BUD23: variants seen among roughly 807,000 people sequenced by gnomAD.
BUD23 encodes the protein 18S rRNA (guanine-N(7))-methyltransferase.
Under a neutral mutation model 47.0 loss-of-function variants are expected in BUD23, and 34 were observed. That is an observed-to-expected ratio of 0.72 (90% CI 0.55 to 0.96). The LOEUF is 0.96. Ranked by LOEUF, BUD23 falls within the 40% of genes least tolerant of loss-of-function variation. BUD23 has a pLI of 0.00. For synonymous variants in BUD23, 124 were observed against 132.0 expected (o/e 0.94, Z 0.41); for missense variants, 343 against 361.2 (o/e 0.95, Z 0.41).
Position 73,698,011 on chromosome 7 carries a change from C to A in BUD23, c.*125C>A. On this transcript the variant is annotated 3_prime_UTR_variant, in exon 12 of 12. Transcript: ENST00000265758. ...TTTTCTGCAGTAAAAAAAAAGTTCT[C>A]TGGGCCGGGCGTGGTGGCTCACACC... 8.3e-7 allele frequency: 1 copy of A among 1,205,152 alleles called. No homozygotes were observed. The highest frequency in any genetic ancestry group is 1.1e-6 in the Non-Finnish European group (1 of 888,660). The allele number at this position is 1,205,152 out of a possible 1,614,324, so 74.7% of individuals were successfully genotyped here.
intron 2 of BUD23, among the ~76,000 whole-genome samples, chr7:73,684,448 C>T (rs1281861172): frequency 1.3e-5 from 2 of 151,844 alleles, no homozygotes; most frequent in African/African-American, 2.4e-5. Flanking sequence ...CACAGGCGCG[C>T]GCCACTACGC....
intron 6 of BUD23, 152 bp downstream of exon 6, chr7:73,691,164 C>T: frequency 1.5e-6 from 1 of 653,250 alleles, no homozygotes; most frequent in East Asian, 2.7e-5. Context: ...TACTTCTGTC[C>T]AGGTCCTCAG....
chr7:73,685,002 C>T (rs572305714), intron 2 of BUD23, among the ~76,000 whole-genome samples: 3 of 146,988 alleles, frequency 2.0e-5, no homozygotes, highest in Non-Finnish European at 4.5e-5. Context: ...GAGAGACTAG[C>T]CCTATTTCAG....
At chr7:73,686,295 G>C (rs1187329889) in intron 2 of BUD23, among the ~76,000 whole-genome samples, 1 of 152,220 alleles carries the variant, frequency 6.6e-6, no homozygotes, top group African/African-American at 2.4e-5. Flanking sequence ...TTTTCAACAA[G>C]TGCTAGAGCA....
Position 73,694,070 on chromosome 7 carries a change from C to G in BUD23, c.701+20C>G, listed in dbSNP as rs781914150. The G allele has an allele frequency of 1.3e-6, 2 of 1,596,278 alleles. No individual in the cohort carries two copies. The highest frequency in any genetic ancestry group is 1.1e-5 in the South Asian group (1 of 89,124). ...TGAGAGGTAAAGCAACTGCTGAAGC[C>G]TGCCCCGGCTGCAGCGGGGGCTGCC... On this transcript the variant is annotated intron_variant, in intron 10 of 11. Coordinates refer to ENST00000265758, the MANE Select transcript of BUD23 (RefSeq NM_017528.5).
intron 6 of BUD23, among the ~76,000 whole-genome samples, 194 bp downstream of exon 6, chr7:73,691,206 T>A (rs183446847): frequency 1.2e-4 from 19 of 152,322 alleles, no homozygotes; most frequent in African/African-American, 4.6e-4. Context: ...AGTGGACTGA[T>A]ATACTCTAAT....
At chr7:73,692,451 T>C (rs1380248149) in intron 6 of BUD23, 145 bp from the exon 7 acceptor site, 1 of 650,884 alleles carries the variant, frequency 1.5e-6, no homozygotes, top group African/African-American at 1.8e-5. Context: ...GGTGATCTCT[T>C]TTGTTCATAC....
At position 73,690,898 on chromosome 7, in the gene BUD23, A is replaced by G. The variant is rs1554613894; in HGVS notation, c.363-18A>G. ...ACGTGGATTGCTCCGTTGCCTGACTAGGTCCCTTCCTTTTTAGCATTTCTG... is the reference window on the plus strand; with the variant it reads ...ACGTGGATTGCTCCGTTGCCTGACTGGGTCCCTTCCTTTTTAGCATTTCTG... On this transcript the variant is annotated intron_variant, in intron 5 of 11. Transcript: ENST00000265758. 1.9e-6 allele frequency: 3 copies of G among 1,610,614 alleles called. No homozygotes were observed. The highest frequency in any genetic ancestry group is 1.3e-5 in the African/African-American group (1 of 74,976).
chr7:73,690,766 C>A, intron 5 of BUD23, 150 bp from the exon 6 acceptor site: 1 of 634,884 alleles, frequency 1.6e-6, no homozygotes. Context: ...AACCACTGTA[C>A]GTGGCCTCAA....
At chr7:73,683,725 G>A (rs782725768) in intron 1 of BUD23, 42 bp from the exon 2 acceptor site, 10 of 1,614,158 alleles carry the variant, frequency 6.2e-6, no homozygotes, top group South Asian at 1.1e-5. Flanking sequence ...CGGCCACCGC[G>A]TCTGAATTAT....
At chr7:73,686,276 G>T (rs905921101) in intron 2 of BUD23, among the ~76,000 whole-genome samples, 1 of 152,198 alleles carries the variant, frequency 6.6e-6, no homozygotes. Flanking sequence ...ATAATTTTTG[G>T]AGAAAATGTT....
Position 73,690,973 on chromosome 7 carries a change from G to T in BUD23, c.420G>T (p.Lys140Asn). 1 of 1,614,206 alleles carries T rather than the reference G, an allele frequency of 6.2e-7. No homozygotes were observed. The highest frequency in any genetic ancestry group is 1.1e-5 in the South Asian group (1 of 91,086). ...ACAAGAAGTCTGAAAACCCTGCCAA[G>T]CGCCTGTACTGCTTTTTTGCTTCTC... ...NANKKSENPA[K>N]RLYCFFASLF... Residue 140 changes from lysine to asparagine, a missense_variant, in exon 6 of 12, where the codon AAG (lysine) becomes AAT (asparagine). By Grantham distance (94) the Lys-to-Asn change is moderately conservative (BLOSUM62 0). Transcript: ENST00000265758.
chr7:73,694,283 C>G (rs574881749), intron 10 of BUD23: 26 of 484,902 alleles, frequency 5.4e-5, no homozygotes, highest in Non-Finnish European at 8.6e-5. Flanking sequence ...TGAGCCCACA[C>G]ATGCCCCTTC....
In BUD23 at chr7:73,692,950, G is replaced by C. The variant is rs553281283; in HGVS notation, c.510+304G>C. ...GGTGAGAGGGCACCGACAGTTCTCC[G>C]TTGTGTGATGTATAAATTAAGGAAT... On this transcript the variant is annotated intron_variant, in intron 7 of 11. Transcript: ENST00000265758. 367 of 545,294 alleles carry C rather than the reference G, an allele frequency of 6.7e-4. 5 individuals carry two copies. In the South Asian group the frequency reaches 8.7e-3, roughly 13 times the overall value. The allele number at this position is 545,294 out of a possible 1,614,324, so 33.8% of individuals were successfully genotyped here. A position where few individuals can be genotyped will look rare whatever the true frequency, so the allele number is the denominator to read the frequency against.
Position 73,697,860 on chromosome 7 carries a change from G to C in BUD23, c.820G>C (p.Gly274Arg). 6.2e-7 allele frequency: 1 copy of C among 1,613,866 alleles called. No homozygotes were observed. Among genetic ancestry groups the C allele is most frequent in the Non-Finnish European group, 8.5e-7 (1 of 1,179,970 alleles). ...REVRPDTQYT[G>R]RKRKPRF The stretch of plus-strand genomic sequence containing the variant: ...AGTCAGACCTGACACCCAGTACACC[G>C]GCCGCAAGCGCAAGCCCCGCTTCTA... Residue 274 changes from glycine to arginine, a missense_variant, in exon 12 of 12, where the codon GGC becomes CGC. By Grantham distance (125) the Gly-to-Arg change is moderately radical. Coordinates refer to ENST00000265758, the MANE Select transcript of BUD23 (RefSeq NM_017528.5).
At position 73,693,347 on chromosome 7, in the gene BUD23, C is replaced by G. The variant is rs529161980; in HGVS notation, c.529C>G (p.Gln177Glu). Residue 177 changes from glutamine to glutamate, a missense_variant, in exon 8 of 12, where the codon CAG (glutamine) becomes GAG (glutamate). By Grantham distance (29) the Gln-to-Glu change is conservative. Coordinates refer to ENST00000265758, the MANE Select transcript of BUD23 (RefSeq NM_017528.5). ...TCCTCAGTTGGAGCTGATCACAACCCAGGCCACAAAGGCAGGCTTCTCCGG... is the reference window on the plus strand; with the variant it reads ...TCCTCAGTTGGAGCTGATCACAACCGAGGCCACAAAGGCAGGCTTCTCCGG... ...NSEQLELITT[Q>E]ATKAGFSGGM... The G allele has an allele frequency of 6.2e-7, 1 of 1,614,132 alleles. No homozygotes were observed. The highest frequency in any genetic ancestry group is 1.3e-5 in the African/African-American group (1 of 75,054).
At position 73,698,025 on chromosome 7, in the gene BUD23, G is replaced by T; in HGVS notation, c.*139G>T. ...AAAAAAGTTCTCTGGGCCGGGCGTG[G>T]TGGCTCACACCTGTAATCCCAGCAC... On this transcript the variant is annotated 3_prime_UTR_variant, in exon 12 of 12. Coordinates refer to ENST00000265758, the MANE Select transcript of BUD23 (RefSeq NM_017528.5). The T allele has an allele frequency of 9.9e-7, 1 of 1,014,962 alleles. No individual in the cohort carries two copies. Among genetic ancestry groups the T allele is most frequent in the Non-Finnish European group, 1.4e-6 (1 of 721,516 alleles). The allele number at this position is 1,014,962 out of a possible 1,614,324, so 62.9% of individuals were successfully genotyped here.
chr7:73,683,701 T>G, intron 1 of BUD23, 28 bp downstream of exon 1: 2 of 1,613,884 alleles, frequency 1.2e-6, no homozygotes, highest in Non-Finnish European at 8.5e-7. Flanking sequence ...CGGACACCCC[T>G]CTCCCCACTT....
intron 9 of BUD23, 94 bp from the exon 10 acceptor site, chr7:73,693,898 C>T (rs189490738): frequency 1.1e-5 from 17 of 1,511,060 alleles, no homozygotes; most frequent in Admixed American, 1.9e-5. Context: ...TCGTCCCTGT[C>T]GGAAGGGTCA....
Sources: allele counts gnomAD v4.1 joint callset (sites outside exome capture counted in the v4.1 genomes callset), GRCh38; gene constraint gnomAD v4.1.1; transcripts MANE v1.5; gene names NCBI Gene and HGNC (gene_info 2026-07-23, HGNC 2026-07-21).